SPAG16: variants seen among roughly 807,000 people sequenced by gnomAD.
SPAG16 encodes sperm associated antigen 16, also known as sperm-associated antigen 16 protein.
SPAG16 carries 86 observed loss-of-function variants against 80.4 expected under a neutral mutation model. That is an observed-to-expected ratio of 1.07 (90% CI 0.90 to 1.28). The LOEUF (loss-of-function observed/expected upper bound fraction) is 1.28, where lower values mean the gene tolerates loss of function less well. Among genes scored for constraint, SPAG16 ranks in the 50% most tolerant of loss-of-function variants. SPAG16 has a pLI of 0.00. For missense variants in SPAG16, 870 were observed against 765.3 expected (o/e 1.14, Z -1.61); for synonymous variants, 294 against 265.9 (o/e 1.11, Z -1.03).
chr2:213,597,451 A>C (rs2060920510), intron 10 of SPAG16, among the ~76,000 whole-genome samples: 1 of 152,198 alleles, frequency 6.6e-6, no homozygotes, highest in African/African-American at 2.4e-5. Flanking sequence ...TTTCAAAATA[A>C]TTTATTTAAC....
intron 10 of SPAG16, among the ~76,000 whole-genome samples, chr2:213,813,267 C>T (rs1460883510): frequency 6.6e-6 from 1 of 152,066 alleles, no homozygotes; most frequent in Non-Finnish European, 1.5e-5. Flanking sequence ...AGATGGAAAC[C>T]ATTAAAATGG....
chr2:213,969,564 C>A (rs995116654), intron 12 of SPAG16, among the ~76,000 whole-genome samples: 2 of 152,162 alleles, frequency 1.3e-5, no homozygotes, highest in African/African-American at 4.8e-5. Flanking sequence ...TTGCCTTCTG[C>A]TGTGTGAGGA....
intron 10 of SPAG16, among the ~76,000 whole-genome samples, chr2:213,564,071 C>G (rs1370408415): frequency 6.6e-6 from 1 of 152,104 alleles, no homozygotes; most frequent in East Asian, 1.9e-4. Context: ...CTATGACTTC[C>G]TCGGGTTAGG....
At chr2:214,392,688 A>G (rs1160058120) in intron 15 of SPAG16, among the ~76,000 whole-genome samples, 1 of 114,694 alleles carries the variant, frequency 8.7e-6, no homozygotes, top group Non-Finnish European at 2.0e-5. Flanking sequence ...TAGAAAACCA[A>G]CCTACAAAGG....
chr2:213,828,836 G>A (rs1392576257), intron 10 of SPAG16, among the ~76,000 whole-genome samples: 1 of 152,170 alleles, frequency 6.6e-6, no homozygotes, highest in Non-Finnish European at 1.5e-5. Flanking sequence ...GAATGATCTG[G>A]ATTGCCAGGT....
intron 15 of SPAG16, among the ~76,000 whole-genome samples, chr2:214,303,617 T>C (rs570201517): frequency 6.6e-6 from 1 of 152,312 alleles, no homozygotes; most frequent in South Asian, 2.1e-4. Flanking sequence ...TCAACTTGTA[T>C]AGTATCTTCC....
At chr2:213,933,336 A>G (rs936309856) in intron 12 of SPAG16, among the ~76,000 whole-genome samples, 4 of 152,218 alleles carry the variant, frequency 2.6e-5, no homozygotes, top group Admixed American at 6.5e-5. Flanking sequence ...ATTGCCTTCA[A>G]TGAGATTACA....
chr2:213,581,400 G>A (rs907839394), intron 10 of SPAG16, among the ~76,000 whole-genome samples: 1 of 152,036 alleles, frequency 6.6e-6, no homozygotes, highest in South Asian at 2.1e-4. Context: ...AATTTTTTTT[G>A]TAGAGACAGG....
In SPAG16 at chr2:214,129,311, G is replaced by A. The variant is rs956751683; in HGVS notation, c.1594-19829G>A. On this transcript the variant is annotated intron_variant, in intron 14 of 15. Transcript: ENST00000331683. ...GTCCTTGTGTTATGGGATAGAAATC[G>A]TCAAGGTAGTATGTCAACGTAGTCT... is the stretch of plus-strand genomic sequence containing the variant. Among the ~76,000 whole-genome samples, 9 of 152,122 alleles carry A rather than the reference G, an allele frequency of 5.9e-5. No homozygotes were observed. In the South Asian group the frequency reaches 1.2e-3, roughly 21 times the overall value.
intron 15 of SPAG16, among the ~76,000 whole-genome samples, chr2:214,394,274 G>T (rs898822006): frequency 2.0e-5 from 3 of 151,580 alleles, no homozygotes; most frequent in Admixed American, 1.3e-4. Flanking sequence ...CTAATAATTT[G>T]AGCTTTATTT....
intron 12 of SPAG16, among the ~76,000 whole-genome samples, chr2:213,950,194 T>G (rs996228593): frequency 1.7e-4 from 26 of 152,218 alleles, no homozygotes; most frequent in Non-Finnish European, 3.1e-4. Flanking sequence ...TAGTGTCTGC[T>G]TCATACATAT....
intron 13 of SPAG16, among the ~76,000 whole-genome samples, chr2:214,035,705 C>A (rs1402249940): frequency 6.6e-6 from 1 of 152,222 alleles, no homozygotes; most frequent in Non-Finnish European, 1.5e-5. Flanking sequence ...GCAGAGCTGC[C>A]AGGTCTGCAG....
At chr2:214,014,586 G>C (rs1429628367) in intron 13 of SPAG16, among the ~76,000 whole-genome samples, 2 of 152,164 alleles carry the variant, frequency 1.3e-5, no homozygotes, top group African/African-American at 4.8e-5. Flanking sequence ...AGGTCATCTG[G>C]AGAGGGGTAG....
intron 15 of SPAG16, among the ~76,000 whole-genome samples, chr2:214,263,898 G>T (rs1393840130): frequency 6.6e-6 from 1 of 152,126 alleles, no homozygotes; most frequent in Non-Finnish European, 1.5e-5. Context: ...GTTTATACAT[G>T]CATGCACTTG....
intron 15 of SPAG16, among the ~76,000 whole-genome samples, chr2:214,356,246 CA>C: frequency 6.6e-6 from 1 of 152,038 alleles, no homozygotes; most frequent in East Asian, 1.9e-4. Context: ...AAATGATATA[CA>C]TTTTACTCCT....
chr2:214,091,075 C>A (rs2052159935), intron 13 of SPAG16, among the ~76,000 whole-genome samples: 1 of 151,984 alleles, frequency 6.6e-6, no homozygotes, highest in Non-Finnish European at 1.5e-5. Flanking sequence ...ATCTGTGATA[C>A]ATAAAAACAA....
chr2:213,704,174 A>G (rs1183010825), intron 10 of SPAG16, among the ~76,000 whole-genome samples: 3 of 152,232 alleles, frequency 2.0e-5, no homozygotes, highest in African/African-American at 4.8e-5. Flanking sequence ...ATATAACAAT[A>G]TAACATACAT....
At position 214,359,469 on chromosome 2, in the gene SPAG16, G is replaced by A. The variant is rs144059093; in HGVS notation, c.1721-50671G>A. 1.8e-3 allele frequency among the ~76,000 whole-genome samples: 268 copies of A among 151,996 alleles called. 2 individuals are homozygous for A. The highest frequency in any genetic ancestry group is 6.3e-3 in the African/African-American group (260 of 41,510). ...GCTAAAGAGTTAATACAACTTTAGAGCACGAGAGAGAATATTTTATCAAAC... is the reference window on the plus strand; with the variant it reads ...GCTAAAGAGTTAATACAACTTTAGAACACGAGAGAGAATATTTTATCAAAC... On this transcript the variant is annotated intron_variant, in intron 15 of 15. Coordinates refer to ENST00000331683, the MANE Select transcript of SPAG16 (RefSeq NM_024532.5).
intron 10 of SPAG16, among the ~76,000 whole-genome samples, chr2:213,702,883 A>G (rs981606526): frequency 6.6e-5 from 10 of 152,140 alleles, no homozygotes; most frequent in Non-Finnish European, 1.3e-4. Flanking sequence ...TAGTACTAGC[A>G]CTCAGACCCA....
Sources: gnomAD v4.1 joint callset for allele counts (sites outside exome capture counted in the v4.1 genomes callset) on GRCh38, gnomAD v4.1.1 for gene constraint, MANE v1.5 for transcripts, NCBI Gene and HGNC (gene_info 2026-07-23, HGNC 2026-07-21) for gene names.